The following CELF2 variants were observed in gnomAD, a reference collection of about 807,000 sequenced individuals.
The protein encoded by CELF2 is CUGBP Elav-like family member 2.
Under a neutral mutation model 62.6 loss-of-function variants are expected in CELF2, and 8 were observed. The observed-to-expected ratio is 0.13, with a 90% CI of 0.07 to 0.23. CELF2 has a LOEUF of 0.23. Ranked by LOEUF, CELF2 falls within the 10% of genes least tolerant of loss-of-function variation. The probability of loss-of-function intolerance (pLI) is 1.00; values close to 1 mark genes in which losing one functional copy is unlikely to be tolerated. For missense variants in CELF2, 333 were observed against 671.0 expected (o/e 0.50, Z 5.56); for synonymous variants, 258 against 250.0 (o/e 1.03, Z -0.30).
the CELF2 span, among the ~76,000 whole-genome samples, chr10:10,587,438 G>A: frequency 6.6e-6 from 1 of 152,096 alleles, no homozygotes; most frequent in Admixed American, 6.5e-5. Context: ...AACTTCAGGG[G>A]AACAGAAGAG....
At chr10:10,706,212 CT>C in the CELF2 span, among the ~76,000 whole-genome samples, 1 of 152,146 alleles carries the variant, frequency 6.6e-6, no homozygotes, top group Non-Finnish European at 1.5e-5. Context: ...TTTACATGTA[CT>C]TTTCTCAGTA....
intron 2 of CELF2, among the ~76,000 whole-genome samples, chr10:11,170,468 C>T (rs1348377259): frequency 6.6e-6 from 1 of 152,120 alleles, no homozygotes; most frequent in Non-Finnish European, 1.5e-5. Context: ...ACACTTAGAT[C>T]ATGTCCATCT....
intron 1 of CELF2, among the ~76,000 whole-genome samples, chr10:10,881,524 C>T (rs934871468): frequency 2.6e-5 from 4 of 152,170 alleles, no homozygotes; most frequent in Non-Finnish European, 5.9e-5. Context: ...AAGGTAAACC[C>T]ACCCTCCAGA....
intron 8 of CELF2, among the ~76,000 whole-genome samples, chr10:11,281,356 C>T (rs1001744152): frequency 1.6e-4 from 25 of 152,078 alleles, no homozygotes; most frequent in African/African-American, 3.4e-4. Context: ...AAGAACACGA[C>T]GAAGAGCACT....
At chr10:10,782,283 A>C in the CELF2 span, among the ~76,000 whole-genome samples, 3 of 152,228 alleles carry the variant, frequency 2.0e-5, no homozygotes, top group Admixed American at 1.3e-4. Flanking sequence ...GAGGAAAGCT[A>C]AATTCAGTTC....
intron 1 of CELF2, among the ~76,000 whole-genome samples, chr10:11,114,039 C>T (rs2055933470): frequency 6.6e-6 from 1 of 152,130 alleles, no homozygotes; most frequent in African/African-American, 2.4e-5. Flanking sequence ...GCAAAAACGG[C>T]TCATAACAAA....
At chr10:10,825,192 TG>T (rs1010496571) in intron 1 of CELF2, among the ~76,000 whole-genome samples, 14 of 152,188 alleles carry the variant, frequency 9.2e-5, no homozygotes, top group Admixed American at 5.2e-4. Flanking sequence ...TTTTTGTTGT[TG>T]TTTTTTTGTT....
At chr10:11,040,135 A>G (rs988173334) in intron 1 of CELF2, among the ~76,000 whole-genome samples, 2 of 152,212 alleles carry the variant, frequency 1.3e-5, no homozygotes, top group Non-Finnish European at 2.9e-5. Flanking sequence ...GACAGGAGGA[A>G]GTTCAAGAAT....
chr10:11,201,755 C>T (rs975622710), intron 2 of CELF2, among the ~76,000 whole-genome samples: 3 of 152,184 alleles, frequency 2.0e-5, no homozygotes, highest in African/African-American at 7.2e-5. Flanking sequence ...CCAGGCCTTT[C>T]GCCTGGAAAG....
intron 2 of CELF2, among the ~76,000 whole-genome samples, chr10:10,967,544 G>A (rs545782566): frequency 1.1e-4 from 17 of 152,306 alleles, no homozygotes; most frequent in African/African-American, 3.1e-4. Context: ...CAGAAAAGGC[G>A]GGGAGGGTGG....
At chr10:11,096,068 A>G in intron 1 of CELF2, among the ~76,000 whole-genome samples, 1 of 152,198 alleles carries the variant, frequency 6.6e-6, no homozygotes, top group South Asian at 2.1e-4. Context: ...GATTTTGCAA[A>G]AACAAACAAG....
At chr10:10,872,681 C>A (rs1267779564) in intron 1 of CELF2, among the ~76,000 whole-genome samples, 1 of 147,460 alleles carries the variant, frequency 6.8e-6, no homozygotes, top group Non-Finnish European at 1.5e-5. Flanking sequence ...CAACAAAAAA[C>A]TGCAAAAATT....
In CELF2 at chr10:11,110,085, C is replaced by T. The variant is rs991735479; in HGVS notation, c.75-55401C>T. Among the ~76,000 whole-genome samples, 1 of 152,068 alleles carries T rather than the reference C, an allele frequency of 6.6e-6. No individual in the cohort carries two copies. Among genetic ancestry groups the T allele is most frequent in the Admixed American group, 6.5e-5 (1 of 15,270 alleles). On this transcript the variant is annotated intron_variant, in intron 1 of 12. Transcript: ENST00000633077. This position sits in a 1 kb window ranked among gnomAD's most constrained non-coding sequence, Gnocchi z 4.0. ...ACCAGCTTGGGCAACATAGCAAGACCTCATTGCTACTAAAAATTTTTAAAA... is the reference window on the plus strand; with the variant it reads ...ACCAGCTTGGGCAACATAGCAAGACTTCATTGCTACTAAAAATTTTTAAAA...
intron 1 of CELF2, among the ~76,000 whole-genome samples, chr10:10,831,354 G>T (rs2057839846): frequency 6.6e-6 from 1 of 152,200 alleles, no homozygotes; most frequent in South Asian, 2.1e-4. Context: ...CTGGAACAAG[G>T]TTTCCGAAGC....
chr10:10,734,832 C>T, the CELF2 span, among the ~76,000 whole-genome samples: 4 of 152,140 alleles, frequency 2.6e-5, no homozygotes, highest in Non-Finnish European at 5.9e-5. Context: ...ACTGAAAGTC[C>T]GGCATCCTGA....
At chr10:10,720,498 C>G in the CELF2 span, among the ~76,000 whole-genome samples, 1 of 152,172 alleles carries the variant, frequency 6.6e-6, no homozygotes, top group African/African-American at 2.4e-5. Flanking sequence ...CTCATTTCTC[C>G]ACCTTTATCT....
At chr10:10,743,709 C>T in the CELF2 span, among the ~76,000 whole-genome samples, 176 of 152,252 alleles carry the variant, frequency 1.2e-3, 1 homozygote, top group Admixed American at 3.3e-3. Flanking sequence ...GTGACATCTT[C>T]ATAGTGGTTG....
intron 3 of CELF2, among the ~76,000 whole-genome samples, chr10:11,231,312 T>C (rs980677153): frequency 8.5e-5 from 13 of 152,228 alleles, no homozygotes; most frequent in African/African-American, 2.9e-4. Context: ...AACTTAACCA[T>C]GGTCAGCGTT....
chr10:10,679,289 T>C, the CELF2 span, among the ~76,000 whole-genome samples: 9 of 152,264 alleles, frequency 5.9e-5, no homozygotes, highest in East Asian at 1.9e-4. Context: ...TCTTTTCTTA[T>C]GTTTTGTTTT....
Sources: gnomAD v4.1 joint callset for allele counts (sites outside exome capture counted in the v4.1 genomes callset) on GRCh38, gnomAD v4.1.1 for gene constraint, Gnocchi (gnomAD v3.1) non-coding constraint, MANE v1.5 for transcripts, NCBI Gene and HGNC (gene_info 2026-07-23, HGNC 2026-07-21) for gene names.